MSR1: variants seen among roughly 807,000 people sequenced by gnomAD.
MSR1 encodes the protein macrophage scavenger receptor 1.
Under a neutral mutation model 47.2 loss-of-function variants are expected in MSR1, and 53 were observed. That is an observed-to-expected ratio of 1.12 (90% CI 0.90 to 1.41). The LOEUF (loss-of-function observed/expected upper bound fraction) is 1.41, where lower values mean the gene tolerates loss of function less well. Ranked by LOEUF, MSR1 falls within the 40% of genes most tolerant of loss-of-function variation. The pLI is 0.00. For synonymous variants in MSR1, 239 were observed against 185.6 expected, an observed-to-expected ratio of 1.29 and a Z score of -2.34; for missense variants, 786 against 546.9, an observed-to-expected ratio of 1.44 and a Z score of -4.36.
At chr8:16,175,146 C>T (rs377358105) in intron 3 of MSR1, 41 bp downstream of exon 3, 116 of 1,513,906 alleles carry the variant, frequency 7.7e-5, no homozygotes, top group Middle Eastern at 1.7e-4. Flanking sequence ...GAATAATTCA[C>T]GGGACGAGTT....
At chr8:16,116,534 TAGCCAAGTA>T (rs1799879248) in intron 9 of MSR1, among the ~76,000 whole-genome samples, 2 of 152,098 alleles carry the variant, frequency 1.3e-5, no homozygotes, top group Admixed American at 6.5e-5. Flanking sequence ...TATCTCCACA[TAGCCAAGTA>T]AGTAACTTCA....
chr8:16,148,554 T>C (rs1348169305), intron 7 of MSR1, among the ~76,000 whole-genome samples: 1 of 152,064 alleles, frequency 6.6e-6, no homozygotes, highest in East Asian at 1.9e-4. Flanking sequence ...CCTCCTGGGT[T>C]CAAGTGATCC....
intron 3 of MSR1, 21 bp downstream of exon 3, chr8:16,175,166 C>CA (rs772110419): frequency 6.2e-7 from 1 of 1,603,170 alleles, no homozygotes; most frequent in South Asian, 1.1e-5. Flanking sequence ...TACTAAATTT[C>CA]AAAACTCTGG....
chr8:16,190,352 C>T (rs796336659), intron 1 of MSR1, among the ~76,000 whole-genome samples: 12 of 152,138 alleles, frequency 7.9e-5, no homozygotes, highest in African/African-American at 2.9e-4. Context: ...ATAAATATTC[C>T]AGACTTATAT....
At chr8:16,131,886 CT>C (rs1447832977) in intron 8 of MSR1, among the ~76,000 whole-genome samples, 1 of 151,932 alleles carries the variant, frequency 6.6e-6, no homozygotes, top group African/African-American at 2.4e-5. Flanking sequence ...TTCTGTACCC[CT>C]GTAGTATAGT....
chr8:16,168,917 T>A (rs1256494230), intron 3 of MSR1, 47 bp from the exon 4 acceptor site: 1 of 1,541,320 alleles, frequency 6.5e-7, no homozygotes, highest in Admixed American at 1.7e-5. Context: ...GATCCTTGAA[T>A]GCATACAGGA....
At chr8:16,159,355 G>A (rs921429902) in intron 5 of MSR1, among the ~76,000 whole-genome samples, 3 of 151,472 alleles carry the variant, frequency 2.0e-5, no homozygotes, top group African/African-American at 7.3e-5. Flanking sequence ...TTTAAATCAC[G>A]TTATCCCCAA....
At chr8:16,185,887 A>G (rs1039572615) in intron 1 of MSR1, among the ~76,000 whole-genome samples, 45 of 151,992 alleles carry the variant, frequency 3.0e-4, no homozygotes, top group African/African-American at 1.1e-3. Flanking sequence ...CTTGAAAAAC[A>G]TGATATTCAG....
chr8:16,115,737 G>C lies in MSR1; in HGVS notation c.1222+4681C>G, dbSNP rs571070075. On this transcript the variant is annotated intron_variant, in intron 9 of 9. Coordinates refer to ENST00000262101, the MANE Select transcript of MSR1 (RefSeq NM_138715.3). ...TCACACTTGTCATTCCAGTACTTTGGGAGGCTGAGGCAGGAGGATTGCTTG... is the reference window on the plus strand; with the variant it reads ...TCACACTTGTCATTCCAGTACTTTGCGAGGCTGAGGCAGGAGGATTGCTTG... 2.1e-4 allele frequency among the ~76,000 whole-genome samples: 32 copies of C among 152,140 alleles called. 1 individual carries two copies. Among genetic ancestry groups the C allele is most frequent in the Admixed American group, 2.0e-4 (3 of 15,280 alleles).
chr8:16,164,311 A>G, intron 4 of MSR1, 60 bp from the exon 5 acceptor site: 1 of 1,446,252 alleles, frequency 6.9e-7, no homozygotes, highest in South Asian at 1.2e-5. Flanking sequence ...CAAATATGAA[A>G]GTTCAAGAAA....
chr8:16,141,862 A>G (rs1222460272), intron 8 of MSR1, among the ~76,000 whole-genome samples: 1 of 152,194 alleles, frequency 6.6e-6, no homozygotes, highest in Non-Finnish European at 1.5e-5. Context: ...ACTTGACTAA[A>G]GTCAATGTTA....
chr8:16,185,911 G>A (rs1801984388), intron 1 of MSR1, among the ~76,000 whole-genome samples: 1 of 150,558 alleles, frequency 6.6e-6, no homozygotes, highest in East Asian at 1.9e-4. Context: ...GTGAGTAGAG[G>A]AAGAAGACTC....
intron 8 of MSR1, among the ~76,000 whole-genome samples, chr8:16,137,342 G>C (rs767324658): frequency 6.6e-6 from 1 of 152,092 alleles, no homozygotes; most frequent in African/African-American, 2.4e-5. Context: ...TTGATCTGCC[G>C]TAAGAATTTT....
intron 5 of MSR1, among the ~76,000 whole-genome samples, chr8:16,156,198 T>G (rs1362435335): frequency 6.6e-6 from 1 of 151,688 alleles, no homozygotes; most frequent in East Asian, 1.9e-4. Context: ...AATAAGGAAA[T>G]AGTGATATTT....
intron 8 of MSR1, chr8:16,139,585 A>G: frequency 1.0e-6 from 1 of 973,764 alleles, no homozygotes; most frequent in Non-Finnish European, 1.2e-6. Flanking sequence ...CCAAAAATAT[A>G]ACATGTAATC....
chr8:16,114,481 G>C (rs908623545), intron 9 of MSR1, among the ~76,000 whole-genome samples: 1 of 151,980 alleles, frequency 6.6e-6, no homozygotes, highest in South Asian at 2.1e-4. Flanking sequence ...ATTCTTGGAG[G>C]TACCACTGTT....
At chr8:16,122,362 A>T (rs2117066116) in intron 8 of MSR1, among the ~76,000 whole-genome samples, 1 of 152,272 alleles carries the variant, frequency 6.6e-6, no homozygotes, top group South Asian at 2.1e-4. Flanking sequence ...AACTAGTGTG[A>T]TATCCAAATG....
At chr8:16,126,809 G>A (rs1585141187) in intron 8 of MSR1, among the ~76,000 whole-genome samples, 1 of 152,008 alleles carries the variant, frequency 6.6e-6, no homozygotes, top group African/African-American at 2.4e-5. Flanking sequence ...TGCTTGCTTT[G>A]GCCTCCCAAA....
intron 9 of MSR1, among the ~76,000 whole-genome samples, chr8:16,119,054 C>G (rs1462766144): frequency 6.6e-6 from 1 of 152,042 alleles, no homozygotes; most frequent in Non-Finnish European, 1.5e-5. Flanking sequence ...CTATGTAAAC[C>G]TTTAGGGTGC....
Sources: allele counts gnomAD v4.1 joint callset (sites outside exome capture counted in the v4.1 genomes callset), GRCh38; gene constraint gnomAD v4.1.1; transcripts MANE v1.5; gene names NCBI Gene and HGNC (gene_info 2026-07-23, HGNC 2026-07-21).